SLC38A10: variants seen among roughly 807,000 people sequenced by gnomAD.
The protein encoded by SLC38A10 is Sodium-coupled neutral amino acid transporter 10.
A neutral mutation model predicts 81.0 loss-of-function variants in SLC38A10; 53 were observed. That is an observed-to-expected ratio of 0.65 (90% CI 0.53 to 0.82). The LOEUF (loss-of-function observed/expected upper bound fraction) is 0.82. Ranked by LOEUF, SLC38A10 falls within the 40% of genes least tolerant of loss-of-function variation. The pLI is 0.00. For missense variants in SLC38A10, 1,471 were observed against 1,545.0 expected (o/e 0.95, Z 0.80); for synonymous variants, 665 against 655.3 (o/e 1.01, Z -0.23).
chr17:81,287,361 T>G (rs1409192900), intron 2 of SLC38A10, among the ~76,000 whole-genome samples: 1 of 152,220 alleles, frequency 6.6e-6, no homozygotes, highest in African/African-American at 2.4e-5. Flanking sequence ...CGGCGCCTCC[T>G]GAAGACTGCA....
At position 81,294,946 on chromosome 17, in the gene SLC38A10, C is replaced by A; in HGVS notation, c.-25G>T. 1 of 1,562,266 alleles carries A rather than the reference C, an allele frequency of 6.4e-7. No homozygotes were observed. Among genetic ancestry groups the A allele is most frequent in the Non-Finnish European group, 8.6e-7 (1 of 1,156,366 alleles). Reference sequence around the variant, plus strand: ...TAGTGAGAGGTCTAGGGGCCCGGGGCGAGAGGCCTCGGGGGTCGCCGGGCT... The same window carrying A: ...TAGTGAGAGGTCTAGGGGCCCGGGGAGAGAGGCCTCGGGGGTCGCCGGGCT... On this transcript the variant is annotated 5_prime_UTR_variant, in exon 1 of 16. Transcript: ENST00000374759.
At chr17:81,282,063 T>C in intron 5 of SLC38A10, 126 bp downstream of exon 5, 1 of 1,368,970 alleles carries the variant, frequency 7.3e-7, no homozygotes, top group Non-Finnish European at 1.0e-6. Context: ...ATCCTGCTAC[T>C]TCCAACACAT....
intron 2 of SLC38A10, among the ~76,000 whole-genome samples, chr17:81,287,163 C>G (rs1166496976): frequency 6.6e-6 from 1 of 152,226 alleles, no homozygotes; most frequent in Non-Finnish European, 1.5e-5. Context: ...GACACCTCTC[C>G]AGGCTGGCAC....
Position 81,246,270 on chromosome 17 carries a change from A to G in SLC38A10, c.2646T>C (p.Ser882=), listed in dbSNP as rs777949193. 1.2e-6 allele frequency: 2 copies of G among 1,612,434 alleles called. No individual in the cohort carries two copies. The highest frequency in any genetic ancestry group is 1.7e-6 in the Non-Finnish European group (2 of 1,179,892). ...CTTGGGAACCGCCAGTAACGTCCTG[A>G]CTTTGCCCAGGGAATTCCTCTGCGA... is the stretch of plus-strand genomic sequence containing the variant. ...ERLAEEFPGQ[S]QDVTGGSQDR... The change falls in exon 16 of 16, where the codon AGT becomes AGC. Residue 882 remains serine (S), a synonymous_variant. Coordinates refer to ENST00000374759, the MANE Select transcript of SLC38A10 (RefSeq NM_001037984.3).
At chr17:81,264,561 GACTCAA>G (rs2063053874) in intron 10 of SLC38A10, 2 of 152,366 alleles carry the variant, frequency 1.3e-5, no homozygotes, top group Admixed American at 1.3e-4. Context: ...AGGCGTCGCT[GACTCAA>G]ATGCAGAGAG....
chr17:81,254,208 GAGC>G (rs2062951961), intron 11 of SLC38A10, among the ~76,000 whole-genome samples: 1 of 152,230 alleles, frequency 6.6e-6, no homozygotes, highest in African/African-American at 2.4e-5. Flanking sequence ...GTCCAGTTCA[GAGC>G]AGCAGATGGG....
In SLC38A10 at chr17:81,286,252, C is replaced by T. The variant is rs925586235; in HGVS notation, c.218-1357G>A. Among the ~76,000 whole-genome samples the T allele has an allele frequency of 2.0e-5, 3 of 152,226 alleles. No individual in the cohort carries two copies. The highest frequency in any genetic ancestry group is 4.4e-5 in the Non-Finnish European group (3 of 68,048). On this transcript the variant is annotated intron_variant, in intron 2 of 15. Coordinates refer to ENST00000374759, the MANE Select transcript of SLC38A10 (RefSeq NM_001037984.3). This position sits in a 1 kb window ranked among gnomAD's most constrained non-coding sequence, Gnocchi z 6.0. ...TCTCCAAAAGGAAGCTGAGTCTCTA[C>T]AGCATATTCCAAACACGAGCGCACC...
In SLC38A10 at chr17:81,246,386, C is replaced by T. The variant is rs2062851472; in HGVS notation, c.2530G>A (p.Ala844Thr). Reference sequence around the variant, plus strand: ...GGGAGCTCCTTCACAGTGCCAGCTGCCCTGGGGGCGGCATCCTTCTGGCCA... The same window carrying T: ...GGGAGCTCCTTCACAGTGCCAGCTGTCCTGGGGGCGGCATCCTTCTGGCCA... ...RDGQKDAAPR[A>T]AGTVKELPKG... Residue 844 changes from alanine to threonine, a missense_variant, in exon 16 of 16, where the codon GCA becomes ACA. This residue lies in a region of SLC38A10 where 751 missense variants were observed against 717.4 expected (regional missense o/e 1.05). Coordinates refer to ENST00000374759, the MANE Select transcript of SLC38A10 (RefSeq NM_001037984.3). 4.4e-6 allele frequency: 7 copies of T among 1,600,416 alleles called. No homozygotes were observed. The highest frequency in any genetic ancestry group is 6.0e-6 in the Non-Finnish European group (7 of 1,175,534).
Position 81,289,700 on chromosome 17 carries a change from CGTAG to C in SLC38A10, c.204_207del (p.Tyr69ProfsTer20). 1.2e-6 allele frequency: 2 copies of C among 1,609,162 alleles called. No homozygotes were observed. Among genetic ancestry groups the C allele is most frequent in the Non-Finnish European group, 1.7e-6 (2 of 1,179,224 alleles). ...GGAGAGGGCGCCTCACCCAGGCCGG[CGTAG>C]GTCCTCCGCTTGCTCAGGCTGGCCG... On this transcript the variant is annotated frameshift_variant, in exon 2 of 16. Coordinates refer to ENST00000374759, the MANE Select transcript of SLC38A10 (RefSeq NM_001037984.3). LOFTEE classifies it high-confidence loss of function. This position sits in a 1 kb window ranked among gnomAD's most constrained non-coding sequence, Gnocchi z 5.9.
intron 1 of SLC38A10, 95 bp downstream of exon 1, chr17:81,294,728 C>T (rs572682903): frequency 3.1e-4 from 371 of 1,186,334 alleles, no homozygotes; most frequent in Non-Finnish European, 3.9e-4. Flanking sequence ...CCAGCGAAGC[C>T]CTGCCCCGGC....
At chr17:81,250,194 G>A (rs1395587926) in intron 14 of SLC38A10, 1 of 1,162,558 alleles carries the variant, frequency 8.6e-7, no homozygotes, top group South Asian at 1.4e-5. Context: ...AACAGGTTCA[G>A]GTAACAGAGC....
intron 11 of SLC38A10, among the ~76,000 whole-genome samples, chr17:81,259,201 T>A (rs997028701): frequency 6.6e-6 from 1 of 152,104 alleles, no homozygotes; most frequent in Non-Finnish European, 1.5e-5. Flanking sequence ...GTTACAGAAG[T>A]GGAGGCCCCT....
Position 81,286,259 on chromosome 17 carries a change from T to C in SLC38A10, c.218-1364A>G, listed in dbSNP as rs1047171851. Among the ~76,000 whole-genome samples the C allele has an allele frequency of 6.6e-6, 1 of 152,182 alleles. No individual in the cohort carries two copies. The highest frequency in any genetic ancestry group is 6.5e-5 in the Admixed American group (1 of 15,272). ...AAGGAAGCTGAGTCTCTACAGCATA[T>C]TCCAAACACGAGCGCACCTTGCCCA... is the stretch of plus-strand genomic sequence containing the variant. On this transcript the variant is annotated intron_variant, in intron 2 of 15. Transcript: ENST00000374759. The surrounding 1 kb of genome is among the most constrained non-coding windows in gnomAD (Gnocchi z 6.0).
At position 81,295,079 on chromosome 17, in the gene SLC38A10, C is replaced by A. The variant is rs1201947971; in HGVS notation, c.-158G>T. The A allele has an allele frequency of 8.0e-7, 1 of 1,247,908 alleles. No individual in the cohort carries two copies. Among genetic ancestry groups the A allele is most frequent in the Non-Finnish European group, 1.0e-6 (1 of 989,142 alleles). 77.3% of individuals were successfully genotyped at this position (1,247,908 alleles called of 1,614,324 possible). ...CTGAACACGGGAGCCTGAGCAGGCG[C>A]GGGCGCGGGCCCCAGAGGCTGCCTG... On this transcript the variant is annotated 5_prime_UTR_variant, in exon 1 of 16. Coordinates refer to ENST00000374759, the MANE Select transcript of SLC38A10 (RefSeq NM_001037984.3).
At chr17:81,280,783 G>C in intron 5 of SLC38A10, 50 bp from the exon 6 acceptor site, 1 of 1,563,826 alleles carries the variant, frequency 6.4e-7, no homozygotes, top group East Asian at 2.3e-5. Flanking sequence ...ACGCAGGCGG[G>C]ACTCAGCATC....
chr17:81,278,662 A>G (rs2063182390), intron 6 of SLC38A10, among the ~76,000 whole-genome samples: 1 of 152,210 alleles, frequency 6.6e-6, no homozygotes, highest in Admixed American at 6.5e-5. Flanking sequence ...CCACAGCTAC[A>G]GAAGAAGGCC....
chr17:81,247,803 T>C (rs887918302), intron 14 of SLC38A10, among the ~76,000 whole-genome samples: 2 of 150,304 alleles, frequency 1.3e-5, no homozygotes, highest in African/African-American at 4.9e-5. Flanking sequence ...ATCACACCAC[T>C]GCACTCCAGC....
At chr17:81,293,351 G>T (rs913337833) in intron 1 of SLC38A10, among the ~76,000 whole-genome samples, 2 of 152,258 alleles carry the variant, frequency 1.3e-5, no homozygotes, top group African/African-American at 4.8e-5. Context: ...TGCCCGGGGG[G>T]CTCTGGAGGC....
At position 81,245,616 on chromosome 17, in the gene SLC38A10, A is replaced by G. The variant is rs539868124; in HGVS notation, c.3300T>C (p.Ala1100=). 8.1e-6 allele frequency: 13 copies of G among 1,612,110 alleles called. No individual in the cohort carries two copies. The African/African-American group carries it at 1.2e-4, about 15-fold the overall frequency. ...DAQLRQAAGG[A]LQVVHSRQLR... ...GCTGCCGGCTGTGGACCACCTGCAG[A>G]GCTCCCCCCGCAGCCTGGCGGAGCT... is the stretch of plus-strand genomic sequence containing the variant. The change falls in exon 16 of 16, where the codon GCT becomes GCC. Residue 1100 remains alanine, a synonymous_variant. Transcript: ENST00000374759.
Sources: allele counts gnomAD v4.1 joint callset (sites outside exome capture counted in the v4.1 genomes callset), GRCh38; gene constraint gnomAD v4.1.1; regional missense constraint gnomAD v4.1.1; non-coding constraint Gnocchi (gnomAD v3.1); transcripts MANE v1.5; gene names NCBI Gene and HGNC (gene_info 2026-07-23, HGNC 2026-07-21).